Variants in GPD1L observed in about 807,000 individuals in gnomAD.
GPD1L encodes the protein glycerol-3-phosphate dehydrogenase 1 like.
In GPD1L, 17 loss-of-function variants were observed where a neutral mutation model predicts 32.9. The observed-to-expected ratio is 0.52, with a 90% CI of 0.35 to 0.78. The LOEUF is 0.78. Ranked by LOEUF, GPD1L falls within the 30% of genes least tolerant of loss-of-function variation. The pLI, the probability that GPD1L is intolerant of heterozygous loss-of-function variation, is 0.01. For missense variants in GPD1L, 361 were observed against 447.8 expected, an observed-to-expected ratio of 0.81 and a Z score of 1.75; for synonymous variants, 187 against 165.9, an observed-to-expected ratio of 1.13 and a Z score of -0.98.
chr3:32,114,838 C>T (rs1444624431), intron 1 of GPD1L, among the ~76,000 whole-genome samples: 1 of 152,060 alleles, frequency 6.6e-6, no homozygotes, highest in African/African-American at 2.4e-5. Context: ...CACAGACCTT[C>T]CCAGTGAGTG....
chr3:32,131,768 G>A (rs182146504), intron 2 of GPD1L, among the ~76,000 whole-genome samples: 78 of 152,196 alleles, frequency 5.1e-4, no homozygotes, highest in African/African-American at 1.8e-3. Context: ...CATTTCTTTT[G>A]TGTGTATACC....
At chr3:32,146,474 T>A in intron 4 of GPD1L, 148 bp from the exon 5 acceptor site, 2 of 652,094 alleles carry the variant, frequency 3.1e-6, no homozygotes, top group Non-Finnish European at 5.6e-6. Context: ...ATATTTTTAC[T>A]TTATTTCTGC....
At chr3:32,112,410 G>A (rs1700265520) in intron 1 of GPD1L, among the ~76,000 whole-genome samples, 1 of 151,794 alleles carries the variant, frequency 6.6e-6, no homozygotes, top group African/African-American at 2.4e-5. Context: ...TGAGGTAGGT[G>A]GACTGGTTGA....
At chr3:32,120,795 A>G (rs13322186) in intron 1 of GPD1L, among the ~76,000 whole-genome samples, 11,765 of 152,192 alleles carry the variant, frequency 0.077, 518 homozygotes, top group Middle Eastern at 0.11. Flanking sequence ...AGGGTTCTGA[A>G]ATTTTTATTT....
rs1178912765 is a variant in GPD1L at position 32,140,209 on chromosome 3, C to T, written c.367-19C>T. 2 of 1,613,834 alleles carry T rather than the reference C, an allele frequency of 1.2e-6. No individual in the cohort carries two copies. The highest frequency in any genetic ancestry group is 2.2e-5 in the South Asian group (2 of 91,062). On this transcript the variant is annotated intron_variant, in intron 3 of 7. Transcript: ENST00000282541. ...GATTTGGCGGTTTGTTCTCTCCTAA[C>T]TTCTTGGCATCCTTGTAGGGCATAG...
At chr3:32,115,693 C>A (rs1266819432) in intron 1 of GPD1L, among the ~76,000 whole-genome samples, 1 of 146,150 alleles carries the variant, frequency 6.8e-6, no homozygotes, top group Non-Finnish European at 1.5e-5. Flanking sequence ...ATTAGTAATT[C>A]ATGTAGCTAC....
intron 7 of GPD1L, among the ~76,000 whole-genome samples, chr3:32,163,119 C>T (rs1214421512): frequency 6.6e-6 from 1 of 151,382 alleles, no homozygotes; most frequent in Non-Finnish European, 1.5e-5. Flanking sequence ...CATCTTAAGC[C>T]CTCAGTATTG....
intron 4 of GPD1L, among the ~76,000 whole-genome samples, chr3:32,145,225 G>A (rs1175676166): frequency 1.3e-5 from 2 of 151,966 alleles, no homozygotes; most frequent in African/African-American, 4.8e-5. Context: ...AGGCTGAGGC[G>A]GGAGAATCGC....
chr3:32,108,525 C>T (rs535948056), intron 1 of GPD1L, among the ~76,000 whole-genome samples: 1 of 151,988 alleles, frequency 6.6e-6, no homozygotes, highest in African/African-American at 2.4e-5. Context: ...AAGAACAAAA[C>T]AAAACAAAAA....
At chr3:32,151,070 T>C in intron 5 of GPD1L, 2 of 341,212 alleles carry the variant, frequency 5.9e-6, no homozygotes, top group South Asian at 3.1e-5. Flanking sequence ...ACCCAGCCTA[T>C]TTTTCACACC....
rs141879113 is a variant in GPD1L, at chr3:32,152,774, A to G, written c.618+6040A>G. Among the ~76,000 whole-genome samples the G allele has an allele frequency of 1.1e-3, 166 of 152,124 alleles. 1 individual carries two copies. Among genetic ancestry groups the G allele is most frequent in the African/African-American group, 3.8e-3 (156 of 41,512 alleles). ...GTGGCCCTTGTCTTCATGGTCTGTG[A>G]AAGTGACCAGAGCATCAATGTCACA... On this transcript the variant is annotated intron_variant, in intron 5 of 7. Transcript: ENST00000282541.
chr3:32,145,923 G>A (rs751431344), intron 4 of GPD1L, among the ~76,000 whole-genome samples: 15 of 152,086 alleles, frequency 9.9e-5, no homozygotes, highest in African/African-American at 1.7e-4. Flanking sequence ...GTAGTATCAC[G>A]AACCTCACAT....
chr3:32,141,429 T>C (rs1183446330), intron 4 of GPD1L, among the ~76,000 whole-genome samples: 1 of 152,212 alleles, frequency 6.6e-6, no homozygotes. Context: ...GTGAATCATA[T>C]GCTGTTTAAT....
At chr3:32,144,901 G>A (rs1049061352) in intron 4 of GPD1L, among the ~76,000 whole-genome samples, 2 of 151,260 alleles carry the variant, frequency 1.3e-5, no homozygotes, top group African/African-American at 2.4e-5. Context: ...ATGGGATTTC[G>A]CCATGCTGAC....
chr3:32,121,374 G>T (rs1354742038), intron 1 of GPD1L, among the ~76,000 whole-genome samples: 3 of 151,410 alleles, frequency 2.0e-5, no homozygotes, highest in South Asian at 2.1e-4. Context: ...TGCCGGGAAG[G>T]TACCCAGCCT....
intron 5 of GPD1L, among the ~76,000 whole-genome samples, chr3:32,156,758 A>G (rs1407679126): frequency 6.6e-6 from 1 of 152,232 alleles, no homozygotes; most frequent in African/African-American, 2.4e-5. Context: ...CTGCCTGTGT[A>G]CTAGAGAAGA....
intron 5 of GPD1L, among the ~76,000 whole-genome samples, chr3:32,148,595 A>G (rs1700867392): frequency 6.6e-6 from 1 of 152,248 alleles, no homozygotes; most frequent in African/African-American, 2.4e-5. Flanking sequence ...TGTCTTGCAC[A>G]GATAAGGAAA....
chr3:32,138,510 GT>G (rs1412244081), intron 2 of GPD1L, 76 bp from the exon 3 acceptor site: 3 of 1,320,074 alleles, frequency 2.3e-6, no homozygotes, highest in East Asian at 4.6e-5. Flanking sequence ...CTGATAAATG[GT>G]CAGTGAGTGA....
intron 5 of GPD1L, among the ~76,000 whole-genome samples, chr3:32,155,138 G>C (rs566588775): frequency 2.2e-4 from 33 of 152,292 alleles, no homozygotes; most frequent in African/African-American, 7.5e-4. Flanking sequence ...CGAGGTTGGA[G>C]GAAGGGCAGA....
Sources: allele counts gnomAD v4.1 joint callset (sites outside exome capture counted in the v4.1 genomes callset), GRCh38; gene constraint gnomAD v4.1.1; transcripts MANE v1.5; gene names NCBI Gene and HGNC (gene_info 2026-07-23, HGNC 2026-07-21).